The following BRF1 variants were observed in gnomAD, a reference collection of about 807,000 sequenced individuals.
BRF1 encodes the protein transcription factor IIIB 90 kDa subunit.
A neutral mutation model predicts 81.7 loss-of-function variants in BRF1; 59 were observed. The observed-to-expected ratio is 0.72, with a 90% CI of 0.59 to 0.90. The LOEUF is 0.90. Among genes scored for constraint, BRF1 ranks in the 40% least tolerant of loss-of-function variants. The pLI is 0.00. For synonymous variants in BRF1, 491 were observed against 395.6 expected (o/e 1.24, Z -2.86); for missense variants, 1,050 against 936.3 (o/e 1.12, Z -1.58).
chr14:105,243,221 G>A (rs1421245346), intron 5 of BRF1, among the ~76,000 whole-genome samples: 2 of 149,118 alleles, frequency 1.3e-5, no homozygotes, highest in Non-Finnish European at 3.0e-5. Flanking sequence ...CAGGTGGATT[G>A]CCTGAGCTTA....
At chr14:105,258,119 T>G (rs2055971515) in intron 3 of BRF1, among the ~76,000 whole-genome samples, 1 of 152,108 alleles carries the variant, frequency 6.6e-6, no homozygotes, top group African/African-American at 2.4e-5. Flanking sequence ...ATAGGGAAAT[T>G]GGGGATTGAA....
Position 105,217,598 on chromosome 14 carries a change from C to G in BRF1, c.1718G>C (p.Arg573Thr), listed in dbSNP as rs1177171163. The change falls in exon 15 of 18, where the codon AGG becomes ACG. Residue 573 changes from arginine to threonine, a missense_variant. Arg to Thr is a moderately conservative substitution (Grantham distance 71, BLOSUM62 -1). Coordinates refer to ENST00000547530, the MANE Select transcript of BRF1 (RefSeq NM_001519.4). ...CCCACTTCTGCTGGCCGGCGTCCTCCTTCGTGACAGCTTCCTGGCACTGGC... is the reference window on the plus strand; with the variant it reads ...CCCACTTCTGCTGGCCGGCGTCCTCGTTCGTGACAGCTTCCTGGCACTGGC... ...HSASARKLSR[R>T]RTPASRSGAD... is the part of the protein sequence containing the mutation. 1.9e-6 allele frequency: 3 copies of G among 1,613,374 alleles called. No individual in the cohort carries two copies. Among genetic ancestry groups the G allele is most frequent in the Non-Finnish European group, 2.5e-6 (3 of 1,180,010 alleles).
upstream of BRF1, among the ~76,000 whole-genome samples, chr14:105,301,608 C>T (rs1193259875): frequency 1.3e-5 from 2 of 152,240 alleles, no homozygotes; most frequent in African/African-American, 4.8e-5. Context: ...CGGCGTCCGC[C>T]GCTCCGCTCG....
chr14:105,250,787 G>C (rs1348301771), intron 5 of BRF1: 6 of 1,119,398 alleles, frequency 5.4e-6, no homozygotes, highest in Non-Finnish European at 7.6e-6. Flanking sequence ...TTGACATGTA[G>C]TCAGCTGAAG....
chr14:105,229,638 G>T (rs1161477342), intron 6 of BRF1, among the ~76,000 whole-genome samples: 1 of 151,008 alleles, frequency 6.6e-6, no homozygotes, highest in Admixed American at 6.6e-5. Flanking sequence ...TCGCCCAGCT[G>T]GGGGCGGGGG....
At chr14:105,277,682 T>C (rs1202873755) in intron 2 of BRF1, among the ~76,000 whole-genome samples, 2 of 152,236 alleles carry the variant, frequency 1.3e-5, no homozygotes, top group Non-Finnish European at 2.9e-5. Context: ...TTCTGGTCTA[T>C]GGTGTTCTGT....
In BRF1 at chr14:105,249,008, G is replaced by C. The variant is rs897578245; in HGVS notation, c.544+3499C>G. 4.0e-5 allele frequency: 43 copies of C among 1,070,938 alleles called. No individual in the cohort carries two copies. In the African/African-American group the frequency reaches 7.3e-4, roughly 18 times the overall value. The allele number at this position is 1,070,938 out of a possible 1,614,324, so 66.3% of individuals were successfully genotyped here. ...CCGCGCCAGCGCCGCCGCCGCCCGC[G>C]CCCGCGCCGCCCACACTCGGCAACA... On this transcript the variant is annotated intron_variant, in intron 5 of 17. Coordinates refer to ENST00000547530, the MANE Select transcript of BRF1 (RefSeq NM_001519.4).
At chr14:105,257,968 T>C (rs1038974359) in intron 3 of BRF1, among the ~76,000 whole-genome samples, 8 of 152,144 alleles carry the variant, frequency 5.3e-5, no homozygotes, top group Non-Finnish European at 1.2e-4. Context: ...GTTCACATAT[T>C]GCATATTTGT....
chr14:105,241,643 C>G (rs938785745), intron 5 of BRF1: 2 of 600,040 alleles, frequency 3.3e-6, no homozygotes, highest in East Asian at 5.8e-5. Flanking sequence ...CTGCTGCAGA[C>G]ACGCTAGGGC....
chr14:105,241,148 G>C (rs993990219), intron 6 of BRF1, 117 bp downstream of exon 6: 54 of 1,486,876 alleles, frequency 3.6e-5, no homozygotes, highest in Non-Finnish European at 4.8e-5. Context: ...CGGGAGGCTG[G>C]AGGCAGCTCT....
chr14:105,229,583 G>C (rs587645584), intron 6 of BRF1, among the ~76,000 whole-genome samples: 51 of 152,338 alleles, frequency 3.3e-4, no homozygotes, highest in African/African-American at 1.1e-3. Flanking sequence ...GAGAGTCTGA[G>C]TGACAGCTGC....
chr14:105,262,479 C>T (rs193040525), intron 3 of BRF1, among the ~76,000 whole-genome samples: 218 of 152,310 alleles, frequency 1.4e-3, no homozygotes, highest in African/African-American at 5.1e-3. Context: ...AATCCCTGAG[C>T]CACTGCTGGC....
rs1385687561 is a variant in BRF1, at chr14:105,217,584, T to C, written c.1732A>G (p.Ser578Gly). 3.1e-6 allele frequency: 5 copies of C among 1,613,400 alleles called. No homozygotes were observed. Among genetic ancestry groups the C allele is most frequent in the Non-Finnish European group, 4.2e-6 (5 of 1,180,004 alleles). ...RKLSRRRTPA[S>G]RSGADPVTSV... The stretch of plus-strand genomic sequence containing the variant: ...GTCACAGGGTCAGCCCCACTTCTGC[T>C]GGCCGGCGTCCTCCTTCGTGACAGC... The change falls in exon 15 of 18, where the codon AGC becomes GGC. Residue 578 changes from serine to glycine, a missense_variant. Coordinates refer to ENST00000547530, the MANE Select transcript of BRF1 (RefSeq NM_001519.4).
At chr14:105,217,453 C>A (rs1042701499) in intron 15 of BRF1, 91 bp downstream of exon 15, 3 of 1,547,528 alleles carry the variant, frequency 1.9e-6, no homozygotes, top group African/African-American at 2.7e-5. Context: ...GTGGCCCCGG[C>A]TGGCCCCCGG....
chr14:105,226,936 C>T (rs1164491216), intron 7 of BRF1, 176 bp from the exon 8 acceptor site: 1 of 729,164 alleles, frequency 1.4e-6, no homozygotes. Context: ...CAGTGAGACT[C>T]TGTCTCTACC....
intron 4 of BRF1, among the ~76,000 whole-genome samples, chr14:105,256,012 C>A (rs2055847535): frequency 6.6e-6 from 1 of 151,968 alleles, no homozygotes; most frequent in South Asian, 2.1e-4. Flanking sequence ...GTGGTCCCAG[C>A]TACTTGGGAG....
chr14:105,219,064 A>C lies in BRF1; in HGVS notation c.1460-11T>G. ...TTCTTGCTTCTTTTTCTAAAAGTTC[A>C]GAAAGGGGGCCAGCGTCACTGAGGG... On this transcript the variant is annotated splice_polypyrimidine_tract_variant and intron_variant, in intron 13 of 17. Transcript: ENST00000547530. 1 of 1,613,888 alleles carries C rather than the reference A, an allele frequency of 6.2e-7. No individual in the cohort carries two copies. The highest frequency in any genetic ancestry group is 8.5e-7 in the Non-Finnish European group (1 of 1,179,992).
intron 5 of BRF1, among the ~76,000 whole-genome samples, chr14:105,244,168 G>A (rs1160026021): frequency 6.6e-6 from 1 of 150,952 alleles, no homozygotes; most frequent in Non-Finnish European, 1.5e-5. Flanking sequence ...GGGGCCGGAT[G>A]CAGTGGCTCA....
At chr14:105,280,944 C>A (rs1158160032) in intron 2 of BRF1, among the ~76,000 whole-genome samples, 2 of 144,358 alleles carry the variant, frequency 1.4e-5, no homozygotes, top group Non-Finnish European at 3.0e-5. Flanking sequence ...ACAGAGCCTG[C>A]GTGACCCTGA....
Sources: allele counts gnomAD v4.1 joint callset (sites outside exome capture counted in the v4.1 genomes callset), GRCh38; gene constraint gnomAD v4.1.1; transcripts MANE v1.5; gene names NCBI Gene and HGNC (gene_info 2026-07-23, HGNC 2026-07-21).